The following GLDN variants were observed in gnomAD, a reference collection of about 807,000 sequenced individuals.
GLDN encodes the protein collomin.
In GLDN, 47 loss-of-function variants were observed where a neutral mutation model predicts 56.5. That is an observed-to-expected ratio of 0.83 (90% CI 0.66 to 1.06). The LOEUF (loss-of-function observed/expected upper bound fraction) is 1.06, where lower values mean the gene tolerates loss of function less well. Among genes scored for constraint, GLDN ranks in the 50% least tolerant of loss-of-function variants. The probability of loss-of-function intolerance (pLI) is 0.00; values close to 1 mark genes in which losing one functional copy is unlikely to be tolerated. For missense variants in GLDN, 782 were observed against 714.3 expected (o/e 1.09, Z -1.08); for synonymous variants, 332 against 278.8 (o/e 1.19, Z -1.90).
chr15:51,382,710 A>G (rs1468432120), intron 2 of GLDN, among the ~76,000 whole-genome samples: 34 of 149,714 alleles, frequency 2.3e-4, no homozygotes, highest in Non-Finnish European at 4.4e-5. Context: ...TGGGTGACAG[A>G]GCAAGACTCT....
chr15:51,374,912 T>C (rs2037599208), intron 1 of GLDN, among the ~76,000 whole-genome samples: 1 of 151,944 alleles, frequency 6.6e-6, no homozygotes, highest in Admixed American at 6.6e-5. Flanking sequence ...TAATTTTTAA[T>C]TTTTTCATGG....
intron 1 of GLDN, among the ~76,000 whole-genome samples, chr15:51,348,514 T>C (rs1298266812): frequency 6.6e-6 from 1 of 151,960 alleles, no homozygotes; most frequent in Non-Finnish European, 1.5e-5. Flanking sequence ...AAATTTTTTT[T>C]CTTTAGTAGA....
At chr15:51,388,843 T>G (rs2037955829) in intron 4 of GLDN, among the ~76,000 whole-genome samples, 1 of 152,158 alleles carries the variant, frequency 6.6e-6, no homozygotes, top group African/African-American at 2.4e-5. Flanking sequence ...TGAGCGCTGG[T>G]GCAGTTAACG....
At chr15:51,347,700 A>G (rs1366750268) in intron 1 of GLDN, among the ~76,000 whole-genome samples, 1 of 152,258 alleles carries the variant, frequency 6.6e-6, no homozygotes, top group Admixed American at 6.5e-5. Flanking sequence ...TCTTTGACCC[A>G]GCAATCTCAC....
At chr15:51,389,654 C>T (rs1017194795) in intron 4 of GLDN, among the ~76,000 whole-genome samples, 2 of 152,038 alleles carry the variant, frequency 1.3e-5, no homozygotes, top group Non-Finnish European at 2.9e-5. Flanking sequence ...GTGGGAAAGG[C>T]GGGGGAACAG....
At position 51,363,957 on chromosome 15, in the gene GLDN, C is replaced by T. The variant is rs114556091; in HGVS notation, c.364-13492C>T. On this transcript the variant is annotated intron_variant, in intron 1 of 9. Transcript: ENST00000335449. ...GCATTGTCTCCATTGAAGAAGGCTG[C>T]TGTTATCCTTAGCTGTGTTTCTCTC... is the stretch of plus-strand genomic sequence containing the variant. Among the ~76,000 whole-genome samples the T allele has an allele frequency of 1.1e-3, 168 of 152,278 alleles. 1 individual carries two copies. The highest frequency in any genetic ancestry group is 3.4e-3 in the African/African-American group (142 of 41,556).
At chr15:51,401,318 A>G (rs963339451) in intron 8 of GLDN, among the ~76,000 whole-genome samples, 2 of 152,244 alleles carry the variant, frequency 1.3e-5, no homozygotes, top group South Asian at 2.1e-4. Context: ...AGAGTTTGAT[A>G]AACAGTATAG....
intron 4 of GLDN, among the ~76,000 whole-genome samples, chr15:51,394,230 C>T (rs1478385175): frequency 2.6e-5 from 4 of 152,222 alleles, no homozygotes; most frequent in African/African-American, 9.6e-5. Flanking sequence ...ATTAGGCCTT[C>T]CTTACCTTCT....
intron 1 of GLDN, among the ~76,000 whole-genome samples, chr15:51,366,697 C>A (rs2037409423): frequency 6.6e-6 from 1 of 152,150 alleles, no homozygotes; most frequent in Non-Finnish European, 1.5e-5. Flanking sequence ...ATTATTTGAG[C>A]CCAGGTGTTT....
intron 1 of GLDN, among the ~76,000 whole-genome samples, chr15:51,346,529 A>C (rs2036981451): frequency 1.3e-5 from 2 of 152,262 alleles, no homozygotes. Context: ...TGTGTATAAC[A>C]AGCTCTAAAT....
intron 1 of GLDN, among the ~76,000 whole-genome samples, chr15:51,346,371 A>C (rs945274703): frequency 6.6e-6 from 1 of 152,236 alleles, no homozygotes; most frequent in Non-Finnish European, 1.5e-5. Flanking sequence ...TTCCGAAATA[A>C]TCTTAAATAC....
At chr15:51,362,351 G>A (rs1449932886) in intron 1 of GLDN, among the ~76,000 whole-genome samples, 1 of 152,088 alleles carries the variant, frequency 6.6e-6, no homozygotes, top group East Asian at 1.9e-4. Context: ...TCAGCATGGT[G>A]GTGCATGCCT....
At chr15:51,393,057 G>A (rs561940013) in intron 4 of GLDN, among the ~76,000 whole-genome samples, 1 of 152,256 alleles carries the variant, frequency 6.6e-6, no homozygotes, top group East Asian at 1.9e-4. Flanking sequence ...TTAGCTGTAG[G>A]TTTTTTTGTA....
chr15:51,383,344 C>A, intron 2 of GLDN, 92 bp from the exon 3 acceptor site: 1 of 1,328,926 alleles, frequency 7.5e-7, no homozygotes, highest in South Asian at 1.2e-5. Context: ...TGCTTAGGGT[C>A]AGTAGATAAT....
chr15:51,384,513 A>G lies in GLDN; in HGVS notation c.541+621A>G, dbSNP rs149114096. ...TATGAGCAGGCCATCACCACTGGAG[A>G]AAAGGCCCAGAAGCACCAAGGCACG... On this transcript the variant is annotated intron_variant, in intron 4 of 9. Coordinates refer to ENST00000335449, the MANE Select transcript of GLDN (RefSeq NM_181789.4). 6.5e-3 allele frequency: 1,011 copies of G among 155,172 alleles called. 3 individuals are homozygous for G. Among genetic ancestry groups the G allele is most frequent in the Non-Finnish European group, 0.01 (706 of 70,424 alleles). 9.6% of individuals were successfully genotyped at this position (155,172 alleles called of 1,614,324 possible). A position where few individuals can be genotyped will look rare whatever the true frequency, so the allele number is the denominator to read the frequency against.
intron 4 of GLDN, among the ~76,000 whole-genome samples, chr15:51,386,776 G>A (rs2037904181): frequency 6.6e-6 from 1 of 152,188 alleles, no homozygotes; most frequent in Non-Finnish European, 1.5e-5. Flanking sequence ...AGTGGATACA[G>A]GGAGTTGGGG....
At position 51,365,421 on chromosome 15, in the gene GLDN, G is replaced by A. The variant is rs140031196; in HGVS notation, c.364-12028G>A. On this transcript the variant is annotated intron_variant, in intron 1 of 9. Transcript: ENST00000335449. ...TGTAATAACAATTATAATGTTTATT[G>A]AGAATGTACAACATGCCAGGTGTTA... Among the ~76,000 whole-genome samples the A allele has an allele frequency of 2.2e-3, 341 of 152,166 alleles. 1 individual carries two copies. Among genetic ancestry groups the A allele is most frequent in the African/African-American group, 7.5e-3 (311 of 41,506 alleles).
intron 1 of GLDN, among the ~76,000 whole-genome samples, chr15:51,365,598 C>G (rs1902587): frequency 2.0e-5 from 3 of 151,962 alleles, no homozygotes; most frequent in Non-Finnish European, 4.4e-5. Context: ...ACATCCTGTG[C>G]AAGGTCACAC....
At chr15:51,374,784 C>T (rs571822094) in intron 1 of GLDN, among the ~76,000 whole-genome samples, 1 of 137,570 alleles carries the variant, frequency 7.3e-6, no homozygotes, top group African/African-American at 2.7e-5. Context: ...GTCACCCAGG[C>T]TGGAGTGCAG....
Sources: allele counts gnomAD v4.1 joint callset (sites outside exome capture counted in the v4.1 genomes callset), GRCh38; gene constraint gnomAD v4.1.1; transcripts MANE v1.5; gene names NCBI Gene and HGNC (gene_info 2026-07-23, HGNC 2026-07-21).